CTNNA2: variants seen among roughly 807,000 people sequenced by gnomAD.
CTNNA2 encodes catenin alpha 2.
CTNNA2 carries 42 observed loss-of-function variants against 101.0 expected under a neutral mutation model. The ratio of observed to expected loss-of-function variants is 0.42; its 90% CI spans 0.32 to 0.54. The LOEUF is 0.54. Ranked by LOEUF, CTNNA2 falls within the 20% of genes least tolerant of loss-of-function variation. CTNNA2 has a pLI of 0.14. For missense variants in CTNNA2, 871 were observed against 1,223.1 expected (o/e 0.71, Z 4.29); for synonymous variants, 450 against 456.4 (o/e 0.99, Z 0.18).
Position 79,426,165 on chromosome 2 carries a change from G to A in CTNNA2, c.-135+52152G>A, listed in dbSNP as rs79073350. ...ATTCATAAAATATTGTAGACTCTAT[G>A]GAACAGCCTCAAGATACAGCAACTC... On this transcript the variant is annotated intron_variant, in intron 4 of 21. Transcript: ENST00000466387. 0.01 allele frequency among the ~76,000 whole-genome samples: 1,561 copies of A among 152,180 alleles called. 76 individuals carry two copies. In the East Asian group the frequency reaches 0.12, roughly 12 times the overall value.
intron 2 of CTNNA2, among the ~76,000 whole-genome samples, chr2:79,678,382 A>G (rs1683330761): frequency 6.6e-6 from 1 of 152,120 alleles, no homozygotes; most frequent in South Asian, 2.1e-4. Context: ...TCTCTACAAA[A>G]AAATCCAAAA....
At chr2:80,284,659 A>G (rs983656798) in intron 7 of CTNNA2, among the ~76,000 whole-genome samples, 2 of 152,044 alleles carry the variant, frequency 1.3e-5, no homozygotes, top group Non-Finnish European at 1.5e-5. Flanking sequence ...AATTCCTCAA[A>G]TTCCTAATAG....
intron 7 of CTNNA2, among the ~76,000 whole-genome samples, chr2:80,070,763 AG>A (rs1698287513): frequency 6.6e-6 from 1 of 151,528 alleles, no homozygotes; most frequent in South Asian, 2.1e-4. Context: ...GCCAAAATCA[AG>A]GTGTGAGCAG....
rs750967489 is a variant in CTNNA2 at position 80,647,907 on chromosome 2, T to TTTTC, written c.*47_*50dup. On this transcript the variant is annotated 3_prime_UTR_variant, in exon 19 of 19. Coordinates refer to ENST00000402739, the MANE Select transcript of CTNNA2 (RefSeq NM_001282597.3). ...TTTTAACAAGAAAGCTTTTTCTTTC[T>TTTTC]TTTCTTTCTTTCTTTTTCTTTTTAA... is the stretch of plus-strand genomic sequence containing the variant. The TTTTC allele has an allele frequency of 1.3e-6, 2 of 1,527,730 alleles. No individual in the cohort carries two copies. Among genetic ancestry groups the TTTTC allele is most frequent in the Non-Finnish European group, 1.8e-6 (2 of 1,139,200 alleles). The allele number at this position is 1,527,730 out of a possible 1,614,324, so 94.6% of individuals were successfully genotyped here. A position where few individuals can be genotyped will look rare whatever the true frequency, so the allele number is the denominator to read the frequency against.
chr2:80,110,780 G>A (rs1701169045), intron 7 of CTNNA2, among the ~76,000 whole-genome samples: 1 of 152,178 alleles, frequency 6.6e-6, no homozygotes, highest in Non-Finnish European at 1.5e-5. Context: ...TTGGAACTTG[G>A]TGGATATTAA....
chr2:80,406,662 TA>T (rs1415156112), intron 8 of CTNNA2, among the ~76,000 whole-genome samples: 2 of 151,364 alleles, frequency 1.3e-5, no homozygotes, highest in Non-Finnish European at 2.9e-5. Context: ...CTGTCTCTAC[TA>T]AAAAATACAA....
chr2:80,579,355 A>T lies in CTNNA2; in HGVS notation c.1894-2351A>T, dbSNP rs549353952. On this transcript the variant is annotated intron_variant, in intron 13 of 18. Coordinates refer to ENST00000402739, the MANE Select transcript of CTNNA2 (RefSeq NM_001282597.3). Reference sequence around the variant, plus strand: ...CTATAAGAACTGTCATATTCTGCTTATTTTTGTTGAATGAGATTTTTCGAT... The same window carrying T: ...CTATAAGAACTGTCATATTCTGCTTTTTTTTGTTGAATGAGATTTTTCGAT... The T allele has an allele frequency of 2.0e-5, 3 of 152,204 alleles. No homozygotes were observed. In the East Asian group the frequency reaches 5.8e-4, roughly 29 times the overall value. 9.4% of individuals were successfully genotyped at this position (152,204 alleles called of 1,614,324 possible). A position where few individuals can be genotyped will look rare whatever the true frequency, so the allele number is the denominator to read the frequency against.
intron 15 of CTNNA2, among the ~76,000 whole-genome samples, chr2:80,594,887 T>C (rs1696818893): frequency 6.6e-6 from 1 of 152,106 alleles, no homozygotes. Flanking sequence ...TGTCTGTCTG[T>C]ATGCCAGTAT....
At chr2:80,388,714 A>C (rs773558380) in intron 7 of CTNNA2, among the ~76,000 whole-genome samples, 11 of 152,210 alleles carry the variant, frequency 7.2e-5, no homozygotes, top group Non-Finnish European at 1.5e-4. Context: ...ACTTAACACC[A>C]CACATTTTGC....
intron 2 of CTNNA2, among the ~76,000 whole-genome samples, chr2:79,256,660 C>G (rs1328422764): frequency 6.6e-6 from 1 of 152,176 alleles, no homozygotes; most frequent in African/African-American, 2.4e-5. Flanking sequence ...CTTGCTCAAG[C>G]ATACGTTCCT....
chr2:79,699,201 A>G (rs1035624819), intron 2 of CTNNA2, among the ~76,000 whole-genome samples: 1 of 152,160 alleles, frequency 6.6e-6, no homozygotes, highest in Admixed American at 6.5e-5. Flanking sequence ...AATGAATAAA[A>G]TTATAAATCA....
chr2:79,268,347 A>G (rs1675014340), intron 2 of CTNNA2, among the ~76,000 whole-genome samples: 5 of 152,032 alleles, frequency 3.3e-5, no homozygotes, highest in Admixed American at 3.3e-4. Flanking sequence ...TAGATGGACA[A>G]CCTGGAGGAT....
rs553212689 is a variant in CTNNA2 at position 80,619,109 on chromosome 2, A to G, written c.2455A>G (p.Thr819Ala). Residue 819 changes from threonine (T) to alanine (A), a missense_variant, in exon 18 of 19, where the codon ACC becomes GCC. Physicochemically the swap from Thr to Ala is moderately conservative, Grantham distance 58. Around this residue, in one of 5 missense-constraint regions of CTNNA2, gnomAD observed 65 missense variants for 53.3 expected, o/e 1.22. Transcript: ENST00000402739. ...SGTGVQSTFT[T>A]FYEVDCDVID... ...GACAGGAGTTCAGAGCACTTTCACT[A>G]CCTTTTATGAGGTAGATTGTGATGT... 12 of 1,529,790 alleles carry G rather than the reference A, an allele frequency of 7.8e-6. No homozygotes were observed. The South Asian group carries it at 1.5e-4, about 19-fold the overall frequency. 94.8% of individuals were successfully genotyped at this position (1,529,790 alleles called of 1,614,324 possible). A position where few individuals can be genotyped will look rare whatever the true frequency, so the allele number is the denominator to read the frequency against.
At chr2:80,492,425 G>A (rs1290985097) in intron 9 of CTNNA2, among the ~76,000 whole-genome samples, 1 of 152,126 alleles carries the variant, frequency 6.6e-6, no homozygotes, top group East Asian at 1.9e-4. Context: ...TCATACAGAT[G>A]GGACAGTCCA....
chr2:80,150,521 A>G (rs1252440728), intron 7 of CTNNA2, among the ~76,000 whole-genome samples: 2 of 152,198 alleles, frequency 1.3e-5, no homozygotes, highest in Non-Finnish European at 2.9e-5. Flanking sequence ...AGGAATTTGC[A>G]TTCTTTAGGG....
chr2:80,136,384 T>C (rs1351184303), intron 7 of CTNNA2, among the ~76,000 whole-genome samples: 1 of 152,194 alleles, frequency 6.6e-6, no homozygotes, highest in African/African-American at 2.4e-5. Context: ...TTGTGATTTA[T>C]TGATTGCTAT....
At chr2:79,244,153 C>G (rs564007026) in intron 2 of CTNNA2, among the ~76,000 whole-genome samples, 1 of 152,210 alleles carries the variant, frequency 6.6e-6, no homozygotes, top group South Asian at 2.1e-4. Flanking sequence ...GGAGACCGTT[C>G]TGCTTTTATA....
intron 2 of CTNNA2, among the ~76,000 whole-genome samples, chr2:79,261,873 A>G (rs550211763): frequency 4.6e-5 from 7 of 152,224 alleles, no homozygotes; most frequent in Non-Finnish European, 8.8e-5. Context: ...TGTTCAGCTA[A>G]CTAGTTTTTC....
intron 1 of CTNNA2, among the ~76,000 whole-genome samples, chr2:79,615,956 C>T (rs538395587): frequency 3.3e-5 from 5 of 152,272 alleles, no homozygotes; most frequent in Non-Finnish European, 5.9e-5. Context: ...CCCATAGCTG[C>T]GTGCCTTGCC....
Sources: gnomAD v4.1 joint callset for allele counts (sites outside exome capture counted in the v4.1 genomes callset) on GRCh38, gnomAD v4.1.1 for gene constraint, gnomAD v4.1.1 regional missense constraint, MANE v1.5 for transcripts, NCBI Gene and HGNC (gene_info 2026-07-23, HGNC 2026-07-21) for gene names.